Variants in DCLRE1A observed in about 807,000 individuals in gnomAD.
DCLRE1A encodes the protein DNA cross-link repair 1A, also known as DNA cross-link repair 1A protein.
DCLRE1A carries 64 observed loss-of-function variants against 91.9 expected under a neutral mutation model. That is an observed-to-expected ratio of 0.70 (90% CI 0.57 to 0.86). The LOEUF (loss-of-function observed/expected upper bound fraction) is 0.86, where lower values mean the gene tolerates loss of function less well. Ranked by LOEUF, DCLRE1A falls within the 40% of genes least tolerant of loss-of-function variation. The pLI is 0.00. For missense variants in DCLRE1A, 1,145 were observed against 1,213.3 expected (o/e 0.94, Z 0.84); for synonymous variants, 416 against 431.1 (o/e 0.96, Z 0.43).
chr10:113,840,074 A>C (rs1351869041), intron 7 of DCLRE1A, among the ~76,000 whole-genome samples: 2 of 152,120 alleles, frequency 1.3e-5, no homozygotes, highest in East Asian at 3.9e-4. Context: ...CGGGCAGACC[A>C]CTTGAGCTCA....
chr10:113,835,929 T>G (rs982897610), intron 8 of DCLRE1A, among the ~76,000 whole-genome samples: 1 of 152,070 alleles, frequency 6.6e-6, no homozygotes, highest in African/African-American at 2.4e-5. Context: ...GCAAGACTCT[T>G]GTCTCAAAAA....
rs746548887 is a variant in DCLRE1A, at chr10:113,849,035, T to G, written c.2070A>C (p.Ser690=). ...TTTTTCTTGATCCTCCTACATTAGA[T>G]GACTCTGGGATTTTCTTGTTGCCCC... is the stretch of plus-strand genomic sequence containing the variant. ...LQRGNKKIPE[S]SNVGGSRKKT... Residue 690 remains serine, a synonymous_variant, in exon 2 of 9, where the codon TCA becomes TCC. Coordinates refer to ENST00000361384, the MANE Select transcript of DCLRE1A (RefSeq NM_014881.5). 1 of 1,614,046 alleles carries G rather than the reference T, an allele frequency of 6.2e-7. No homozygotes were observed. The highest frequency in any genetic ancestry group is 1.3e-5 in the African/African-American group (1 of 74,948).
chr10:113,837,227 G>A (rs1484201666), intron 7 of DCLRE1A, 24 bp from the exon 8 acceptor site: 2 of 1,595,986 alleles, frequency 1.3e-6, no homozygotes, highest in Non-Finnish European at 1.7e-6. Flanking sequence ...ATAGCATATT[G>A]AGGTCAATGG....
chr10:113,852,441 G>C (rs1010650133), intron 1 of DCLRE1A, among the ~76,000 whole-genome samples: 21 of 152,238 alleles, frequency 1.4e-4, no homozygotes, highest in African/African-American at 4.6e-4. Context: ...AGTTGGGTAA[G>C]TAGACAGTGT....
chr10:113,845,892 C>T, intron 3 of DCLRE1A, 89 bp from the exon 4 acceptor site: 1 of 1,071,916 alleles, frequency 9.3e-7, no homozygotes, highest in Non-Finnish European at 1.5e-6. Flanking sequence ...ATCTTAATAA[C>T]ATCCATTTTC....
At chr10:113,839,469 AT>A (rs1845414311) in intron 7 of DCLRE1A, among the ~76,000 whole-genome samples, 1 of 152,136 alleles carries the variant, frequency 6.6e-6, no homozygotes, top group Admixed American at 6.5e-5. Context: ...ATTCAAAAAC[AT>A]TTTAAATACA....
rs934718336 is a variant in DCLRE1A, at chr10:113,837,865, T to C, written c.2821-662A>G. Among the ~76,000 whole-genome samples the C allele has an allele frequency of 3.9e-5, 6 of 152,268 alleles. No individual in the cohort carries two copies. The South Asian group carries it at 1.0e-3, about 26-fold the overall frequency. On this transcript the variant is annotated intron_variant, in intron 7 of 8. Coordinates refer to ENST00000361384, the MANE Select transcript of DCLRE1A (RefSeq NM_014881.5). ...TTTGATAAAACTCTTAGAAAATCAA[T>C]GACTGAAGTTCAGTCTTCGAAAGAT...
At position 113,853,529 on chromosome 10, in the gene DCLRE1A, C is replaced by A; in HGVS notation, c.-347G>T. On this transcript the variant is annotated 5_prime_UTR_variant, in exon 1 of 9. Coordinates refer to ENST00000361384, the MANE Select transcript of DCLRE1A (RefSeq NM_014881.5). ...TAAAAATAATACTTCAAAAATTAAG[C>A]GCTAATGGCAAATATAGGTTCAACA... The A allele has an allele frequency of 5.6e-6, 1 of 178,654 alleles. No homozygotes were observed. The highest frequency in any genetic ancestry group is 1.2e-5 in the Non-Finnish European group (1 of 86,458). 11.1% of individuals were successfully genotyped at this position (178,654 alleles called of 1,614,324 possible).
chr10:113,842,614 A>G lies in DCLRE1A; in HGVS notation c.2520-126T>C. ...AACAGCAATGTAATATATTAATACC[A>G]CAAGTTATCTCACTGCCTGTGGTTG... On this transcript the variant is annotated intron_variant, in intron 5 of 8. Transcript: ENST00000361384. The G allele has an allele frequency of 4.0e-6, 3 of 758,242 alleles. No homozygotes were observed. In the South Asian group the frequency reaches 1.2e-4, roughly 30 times the overall value. 47.0% of individuals were successfully genotyped at this position (758,242 alleles called of 1,614,324 possible).
chr10:113,844,672 A>T (rs1020462858), intron 4 of DCLRE1A, among the ~76,000 whole-genome samples: 4 of 152,344 alleles, frequency 2.6e-5, no homozygotes, highest in African/African-American at 9.6e-5. Flanking sequence ...ATGGTGGCTC[A>T]CGCCTGTAAT....
chr10:113,842,467 G>A lies in DCLRE1A; in HGVS notation c.2541C>T (p.Thr847=). Residue 847 remains threonine (T), a synonymous_variant, in exon 6 of 9, where the codon ACC becomes ACT. Transcript: ENST00000361384. ...GGATAACCTCTTGCTGAGATGGAAA[G>A]GTGTATTCTGGGCTACAATATCTGT... ...LDTTYCSPEY[T]FPSQQEVIRF... 6.2e-7 allele frequency: 1 copy of A among 1,613,632 alleles called. No homozygotes were observed. The highest frequency in any genetic ancestry group is 8.5e-7 in the Non-Finnish European group (1 of 1,179,674).
intron 8 of DCLRE1A, among the ~76,000 whole-genome samples, chr10:113,835,728 A>G (rs1167508240): frequency 6.6e-6 from 1 of 152,154 alleles, no homozygotes; most frequent in African/African-American, 2.4e-5. Context: ...TGAGGTCAGG[A>G]GTTCGAGGCC....
Position 113,852,775 on chromosome 10 carries a change from T to C in DCLRE1A, c.408A>G (p.Thr136=). The C allele has an allele frequency of 6.2e-7, 1 of 1,614,212 alleles. No individual in the cohort carries two copies. The highest frequency in any genetic ancestry group is 8.5e-7 in the Non-Finnish European group (1 of 1,180,036). Residue 136 remains threonine, a synonymous_variant, in exon 1 of 9, where the codon ACA becomes ACG. Coordinates refer to ENST00000361384, the MANE Select transcript of DCLRE1A (RefSeq NM_014881.5). The stretch of plus-strand genomic sequence containing the variant: ...AACATTCAAAAACATGCCATCGAGG[T>C]GTCTGCCCTATCAATGAGGAAAAAG... ...QMPFSSLIGQ[T]PRWHVFECLD... is the part of the protein sequence containing the mutation.
intron 2 of DCLRE1A, among the ~76,000 whole-genome samples, chr10:113,848,066 C>G (rs1845569284): frequency 6.6e-6 from 1 of 152,150 alleles, no homozygotes; most frequent in Non-Finnish European, 1.5e-5. Context: ...GTAATCCCAG[C>G]ACTTTGGGAG....
At chr10:113,838,327 A>G (rs546171754) in intron 7 of DCLRE1A, among the ~76,000 whole-genome samples, 1 of 152,298 alleles carries the variant, frequency 6.6e-6, no homozygotes, top group South Asian at 2.1e-4. Context: ...GAGTAACTAT[A>G]CATATAATAC....
At chr10:113,844,040 C>A (rs779783717) in intron 5 of DCLRE1A, 64 bp downstream of exon 5, 7 of 1,589,624 alleles carry the variant, frequency 4.4e-6, no homozygotes, top group Non-Finnish European at 6.0e-6. Context: ...ATTTTGATAA[C>A]CATAATACAG....
At chr10:113,839,338 A>C (rs1845411517) in intron 7 of DCLRE1A, among the ~76,000 whole-genome samples, 1 of 151,344 alleles carries the variant, frequency 6.6e-6, no homozygotes, top group South Asian at 2.1e-4. Context: ...AAAAAAAAAA[A>C]AAAAAAAAAA....
chr10:113,840,332 T>C (rs1845426844), intron 7 of DCLRE1A, among the ~76,000 whole-genome samples: 1 of 151,566 alleles, frequency 6.6e-6, no homozygotes, highest in Non-Finnish European at 1.5e-5. Context: ...AGTTTGAGTT[T>C]GTAGTAGTGA....
At chr10:113,837,938 A>G (rs1845388536) in intron 7 of DCLRE1A, among the ~76,000 whole-genome samples, 1 of 152,302 alleles carries the variant, frequency 6.6e-6, no homozygotes, top group Middle Eastern at 3.4e-3. Flanking sequence ...ATACAAAAAA[A>G]TCTAATACTT....
Sources: allele counts gnomAD v4.1 joint callset (sites outside exome capture counted in the v4.1 genomes callset), GRCh38; gene constraint gnomAD v4.1.1; transcripts MANE v1.5; gene names NCBI Gene and HGNC (gene_info 2026-07-23, HGNC 2026-07-21).